Variants in RFC3 observed in about 807,000 individuals in gnomAD.
The protein encoded by RFC3 is A1 38 kDa subunit.
In RFC3, 41 loss-of-function variants were observed where a neutral mutation model predicts 45.1. The ratio of observed to expected loss-of-function variants is 0.91; its 90% CI spans 0.71 to 1.18. The LOEUF (loss-of-function observed/expected upper bound fraction) is 1.18. Among genes scored for constraint, RFC3 ranks in the 50% most tolerant of loss-of-function variants. The probability of loss-of-function intolerance (pLI) is 0.00; values close to 1 mark genes in which losing one functional copy is unlikely to be tolerated. For synonymous variants in RFC3, 149 were observed against 144.0 expected, an observed-to-expected ratio of 1.03 and a Z score of -0.25; for missense variants, 423 against 428.1, an observed-to-expected ratio of 0.99 and a Z score of 0.10.
At position 33,867,592 on chromosome 13, in the gene RFC3, TG is replaced by T. The variant is rs568435735; in HGVS notation, c.879+32378del. Among the ~76,000 whole-genome samples the T allele has an allele frequency of 1.9e-3, 292 of 152,248 alleles. 1 individual carries two copies. The highest frequency in any genetic ancestry group is 6.5e-3 in the African/African-American group (269 of 41,540). ...AAAGAGATGAGTGTAGATGATTCCC[TG>T]GGCAGCATCCTATTATTACTTTATC... On this transcript the variant is annotated intron_variant, in intron 8 of 8. Transcript: ENST00000434425.
chr13:33,951,201 T>C (rs1025992884), intron 8 of RFC3, among the ~76,000 whole-genome samples: 48 of 151,752 alleles, frequency 3.2e-4, no homozygotes, highest in African/African-American at 1.1e-3. Context: ...ATTTAAGTGC[T>C]CTTTGCATAT....
chr13:33,926,070 A>G (rs896093454), intron 8 of RFC3, among the ~76,000 whole-genome samples: 11 of 151,866 alleles, frequency 7.2e-5, no homozygotes, highest in African/African-American at 2.7e-4. Context: ...GACATGGATG[A>G]AATTGGAAAT....
intron 8 of RFC3, among the ~76,000 whole-genome samples, chr13:33,867,383 G>T (rs944984004): frequency 6.6e-6 from 1 of 152,188 alleles, no homozygotes; most frequent in Non-Finnish European, 1.5e-5. Context: ...CTGTGATTCT[G>T]TTAATCATTT....
At chr13:33,821,964 G>T (rs1213774521) in intron 2 of RFC3, among the ~76,000 whole-genome samples, 1 of 152,174 alleles carries the variant, frequency 6.6e-6, no homozygotes. Flanking sequence ...TGTTTTGACT[G>T]TATGTCGAGA....
intron 8 of RFC3, among the ~76,000 whole-genome samples, chr13:33,899,761 G>C (rs989057285): frequency 2.0e-5 from 3 of 151,858 alleles, no homozygotes; most frequent in Non-Finnish European, 4.4e-5. Flanking sequence ...CAGATGACAT[G>C]ACCTTATACT....
At chr13:33,872,799 C>CCCCA (rs2082420632) in intron 8 of RFC3, among the ~76,000 whole-genome samples, 1 of 139,682 alleles carries the variant, frequency 7.2e-6, no homozygotes, top group African/African-American at 2.6e-5. Flanking sequence ...CAAACCCCCC[C>CCCCA]CCCCAAAATA....
intron 8 of RFC3, among the ~76,000 whole-genome samples, chr13:33,873,249 G>C (rs1351314811): frequency 6.6e-6 from 1 of 152,172 alleles, no homozygotes; most frequent in Admixed American, 6.5e-5. Flanking sequence ...AAATGTTCGA[G>C]CAACCCTCAT....
intron 8 of RFC3, among the ~76,000 whole-genome samples, chr13:33,859,628 C>A (rs920991246): frequency 1.3e-5 from 2 of 152,046 alleles, no homozygotes; most frequent in Admixed American, 6.5e-5. Flanking sequence ...CTAAATTTTC[C>A]CTCTGAGGAA....
chr13:33,840,271 T>C (rs2082188232), downstream of RFC3, among the ~76,000 whole-genome samples: 1 of 152,232 alleles, frequency 6.6e-6, no homozygotes, highest in Non-Finnish European at 1.5e-5. Flanking sequence ...CTCTTTTTCC[T>C]AGCTTTTTTC....
chr13:33,843,764 G>C (rs2139448602), intron 8 of RFC3, among the ~76,000 whole-genome samples: 1 of 152,302 alleles, frequency 6.6e-6, no homozygotes, highest in African/African-American at 2.4e-5. Flanking sequence ...GAAATGGGCT[G>C]TCAACACTGC....
intron 8 of RFC3, among the ~76,000 whole-genome samples, chr13:33,881,262 C>T (rs1172904429): frequency 6.6e-6 from 1 of 152,194 alleles, no homozygotes; most frequent in Non-Finnish European, 1.5e-5. Flanking sequence ...GCTACTCCCT[C>T]ATGGGAAAAT....
Position 33,821,139 on chromosome 13 carries a change from G to A in RFC3, c.95G>A (p.Cys32Tyr). 1 of 1,613,594 alleles carries A rather than the reference G, an allele frequency of 6.2e-7. No homozygotes were observed. The highest frequency in any genetic ancestry group is 1.1e-5 in the South Asian group (1 of 91,072). The change falls in exon 2 of 9, where the codon TGT becomes TAT. Residue 32 changes from cysteine to tyrosine, a missense_variant. Cys to Tyr is a radical substitution (Grantham distance 194). Transcript: ENST00000380071. ...QAAQLRNLVQCGDFPHLLVYG... is the reference protein window; with the variant it reads ...QAAQLRNLVQYGDFPHLLVYG... ...CTTGTTCTTTTTTTTCAGGTGCAGT[G>A]TGGTGACTTTCCTCATCTGTTAGTG... is the stretch of plus-strand genomic sequence containing the variant.
intron 8 of RFC3, among the ~76,000 whole-genome samples, chr13:33,926,443 A>C (rs2082814090): frequency 6.6e-6 from 1 of 152,092 alleles, no homozygotes; most frequent in Admixed American, 6.6e-5. Context: ...ATCCACATTA[A>C]ATTTGAATAT....
rs750756159 is a variant in RFC3 at position 33,872,795 on chromosome 13, C to CCG, written c.879+37579_879+37580insGC. 9.1e-3 allele frequency among the ~76,000 whole-genome samples: 1,202 copies of CCG among 131,644 alleles called. 82 individuals are homozygous for CCG. The highest frequency in any genetic ancestry group is 0.015 in the Non-Finnish European group (885 of 60,048). The allele number at this position is 131,644 out of a possible 152,430, so 86.4% of individuals were successfully genotyped here. On this transcript the variant is annotated intron_variant, in intron 8 of 8. Coordinates refer to the RFC3 transcript ENST00000434425. ...AACAAAAAAAGAAAGAAACCAAACC[C>CCG]CCCCCCCCAAAATACATGGTAGGCA...
intron 8 of RFC3, among the ~76,000 whole-genome samples, chr13:33,891,685 C>A (rs2082564144): frequency 6.6e-6 from 1 of 152,034 alleles, no homozygotes; most frequent in African/African-American, 2.4e-5. Flanking sequence ...AAGCACACAG[C>A]CAACTGGATT....
intron 8 of RFC3, among the ~76,000 whole-genome samples, chr13:33,964,060 C>T (rs1030740385): frequency 1.3e-5 from 2 of 152,168 alleles, no homozygotes; most frequent in African/African-American, 4.8e-5. Context: ...GTTTGCTCTG[C>T]TGCTGACCTC....
Position 33,836,784 on chromosome 13 carries a change from T to C in RFC3, c.*489T>C, listed in dbSNP as rs2082158898. 3.0e-6 allele frequency: 3 copies of C among 985,810 alleles called. No individual in the cohort carries two copies. Among genetic ancestry groups the C allele is most frequent in the South Asian group, 9.4e-5 (2 of 21,336 alleles). The allele number at this position is 985,810 out of a possible 1,614,324, so 61.1% of individuals were successfully genotyped here. A position where few individuals can be genotyped will look rare whatever the true frequency, so the allele number is the denominator to read the frequency against. ...TCATTCTGAAACATAATTATTGGTATGGACAAAATTGCAGATACCATTTCT... is the reference window on the plus strand; with the variant it reads ...TCATTCTGAAACATAATTATTGGTACGGACAAAATTGCAGATACCATTTCT... On this transcript the variant is annotated 3_prime_UTR_variant, in exon 9 of 9. Transcript: ENST00000380071.
intron 8 of RFC3, among the ~76,000 whole-genome samples, chr13:33,913,385 A>G (rs1304589688): frequency 6.6e-6 from 1 of 152,146 alleles, no homozygotes; most frequent in Non-Finnish European, 1.5e-5. Flanking sequence ...AGCCAGAGGC[A>G]CTGCGGAATC....
intron 8 of RFC3, among the ~76,000 whole-genome samples, chr13:33,946,438 T>C (rs1428606877): frequency 6.6e-6 from 1 of 152,214 alleles, no homozygotes; most frequent in Non-Finnish European, 1.5e-5. Context: ...CAAGAGCTTT[T>C]GTTAATGTGG....
Sources: allele counts gnomAD v4.1 joint callset (sites outside exome capture counted in the v4.1 genomes callset), GRCh38; gene constraint gnomAD v4.1.1; transcripts MANE v1.5; gene names NCBI Gene and HGNC (gene_info 2026-07-23, HGNC 2026-07-21).